GLIS3: variants seen among roughly 807,000 people sequenced by gnomAD.
GLIS3 encodes GLIS family zinc finger 3.
GLIS3 carries 53 observed loss-of-function variants against 78.6 expected under a neutral mutation model. The ratio of observed to expected loss-of-function variants is 0.67; its 90% CI spans 0.54 to 0.85. The LOEUF (loss-of-function observed/expected upper bound fraction) is 0.85, where lower values mean the gene tolerates loss of function less well. Ranked by LOEUF, GLIS3 falls within the 40% of genes least tolerant of loss-of-function variation. The pLI, the probability that GLIS3 is intolerant of heterozygous loss-of-function variation, is 0.00. For missense variants in GLIS3, 1,703 were observed against 1,231.1 expected, an observed-to-expected ratio of 1.38 and a Z score of -5.74; for synonymous variants, 684 against 509.9, an observed-to-expected ratio of 1.34 and a Z score of -4.60.
chr9:4,419,707 G>C, the GLIS3 span, among the ~76,000 whole-genome samples: 4 of 152,102 alleles, frequency 2.6e-5, no homozygotes, highest in African/African-American at 4.8e-5. Context: ...TTGAACCCAG[G>C]AGGCAGAAGT....
At chr9:4,248,266 G>T (rs1428322445) in intron 2 of GLIS3, among the ~76,000 whole-genome samples, 1 of 151,914 alleles carries the variant, frequency 6.6e-6, no homozygotes, top group African/African-American at 2.4e-5. Flanking sequence ...AGGCTCCAGT[G>T]TGTGATGTTC....
chr9:4,155,354 C>A (rs571148495), intron 2 of GLIS3, among the ~76,000 whole-genome samples: 17 of 152,216 alleles, frequency 1.1e-4, no homozygotes, highest in Non-Finnish European at 1.9e-4. Flanking sequence ...GAACCACTGA[C>A]CCATTACATG....
chr9:4,191,058 G>A (rs896635649), intron 2 of GLIS3, among the ~76,000 whole-genome samples: 2 of 151,714 alleles, frequency 1.3e-5, no homozygotes, highest in African/African-American at 4.8e-5. Flanking sequence ...AGGAACAACT[G>A]GTACCAGCCA....
intron 2 of GLIS3, among the ~76,000 whole-genome samples, chr9:4,339,026 G>A (rs150554644): frequency 2.0e-5 from 3 of 152,312 alleles, no homozygotes; most frequent in South Asian, 4.1e-4. Context: ...GCATTTCAAG[G>A]ACCCTCCTGG....
the GLIS3 span, among the ~76,000 whole-genome samples, chr9:4,487,119 C>A: frequency 6.6e-6 from 1 of 152,150 alleles, no homozygotes; most frequent in Non-Finnish European, 1.5e-5. Flanking sequence ...CCTGCCTCAG[C>A]CTCTCGAGTA....
intron 2 of GLIS3, among the ~76,000 whole-genome samples, chr9:4,145,899 T>C (rs540035788): frequency 6.6e-5 from 10 of 152,220 alleles, no homozygotes; most frequent in African/African-American, 2.2e-4. Flanking sequence ...TATGATAAAC[T>C]ACAAAATATA....
intron 2 of GLIS3, among the ~76,000 whole-genome samples, chr9:4,335,023 C>T (rs1038002561): frequency 6.6e-6 from 1 of 151,392 alleles, no homozygotes; most frequent in Admixed American, 6.6e-5. Context: ...ATTCTCCTGC[C>T]TCAGCCTCCC....
intron 4 of GLIS3, among the ~76,000 whole-genome samples, chr9:4,041,946 TG>T (rs879416121): frequency 6.3e-4 from 96 of 152,328 alleles, no homozygotes; most frequent in Non-Finnish European, 8.2e-4. Flanking sequence ...AGTGTAATTC[TG>T]GACAAGTTTG....
the GLIS3 span, among the ~76,000 whole-genome samples, chr9:4,429,787 A>G: frequency 3.9e-5 from 6 of 152,194 alleles, no homozygotes; most frequent in East Asian, 1.2e-3. Context: ...ACGAAACTGT[A>G]TGCAGGTGAC....
At chr9:4,132,583 A>G (rs1483374017) in intron 2 of GLIS3, among the ~76,000 whole-genome samples, 1 of 152,062 alleles carries the variant, frequency 6.6e-6, no homozygotes, top group African/African-American at 2.4e-5. Flanking sequence ...GACACTTATC[A>G]AATGCCAACC....
Position 4,125,871 on chromosome 9 carries a change from G to A in GLIS3, c.459C>T (p.Ser153=), listed in dbSNP as rs1188167675. ...CCAGTCGCTGAACCATCATGGGACT[G>A]CTGGTGACCACTAGATTGTTGCAGC... The part of the protein sequence containing the change: ...KGSCNNLVVT[S]SPMMVQRLGL... The change falls in exon 3 of 11, where the codon AGC becomes AGT. Residue 153 remains serine, a synonymous_variant. Coordinates refer to ENST00000381971, the MANE Select transcript of GLIS3 (RefSeq NM_001042413.2). 2 of 1,613,908 alleles carry A rather than the reference G, an allele frequency of 1.2e-6. No homozygotes were observed. The highest frequency in any genetic ancestry group is 1.7e-6 in the Non-Finnish European group (2 of 1,179,952).
At chr9:4,484,444 A>C in the GLIS3 span, among the ~76,000 whole-genome samples, 1 of 108,336 alleles carries the variant, frequency 9.2e-6, no homozygotes. Context: ...TTTGAGACAG[A>C]GTCTTGCTCT....
At chr9:4,196,784 C>T (rs1255401928) in intron 2 of GLIS3, among the ~76,000 whole-genome samples, 1 of 152,180 alleles carries the variant, frequency 6.6e-6, no homozygotes, top group African/African-American at 2.4e-5. Context: ...GACCAAGAAC[C>T]CCCCAATTTC....
chr9:3,900,737 A>G (rs369391396), intron 6 of GLIS3: 81 of 152,352 alleles, frequency 5.3e-4, no homozygotes, highest in African/African-American at 1.8e-3. Context: ...AGAAAGTAAT[A>G]TAATTGAACA....
intron 4 of GLIS3, among the ~76,000 whole-genome samples, chr9:4,087,681 A>G (rs1829150932): frequency 6.6e-6 from 1 of 152,234 alleles, no homozygotes; most frequent in Admixed American, 6.5e-5. Context: ...GTGGTACATC[A>G]TCATAAAATT....
At chr9:4,226,277 A>G (rs532968997) in intron 2 of GLIS3, among the ~76,000 whole-genome samples, 1 of 152,196 alleles carries the variant, frequency 6.6e-6, no homozygotes, top group African/African-American at 2.4e-5. Context: ...TCTTATTTAG[A>G]TATAGCCTGC....
intron 5 of GLIS3, chr9:3,932,866 G>A (rs889283584): frequency 8.0e-6 from 3 of 374,138 alleles, no homozygotes; most frequent in South Asian, 4.1e-5. Flanking sequence ...AAGGGTTCAG[G>A]TAAAGAAGCT....
At chr9:4,099,245 T>C (rs1049681385) in intron 4 of GLIS3, among the ~76,000 whole-genome samples, 1 of 152,104 alleles carries the variant, frequency 6.6e-6, no homozygotes, top group African/African-American at 2.4e-5. Context: ...ATAACAGAAA[T>C]GTATCATCTC....
At chr9:3,852,250 T>G (rs1410577667) in intron 9 of GLIS3, among the ~76,000 whole-genome samples, 4 of 152,250 alleles carry the variant, frequency 2.6e-5, no homozygotes, top group Admixed American at 6.5e-5. Flanking sequence ...ATATTCTTAT[T>G]TGTCTCAGTT....
Sources: gnomAD v4.1 joint callset for allele counts (sites outside exome capture counted in the v4.1 genomes callset) on GRCh38, gnomAD v4.1.1 for gene constraint, MANE v1.5 for transcripts, NCBI Gene and HGNC (gene_info 2026-07-23, HGNC 2026-07-21) for gene names.